The following TMEM132D variants were observed in gnomAD, a reference collection of about 807,000 sequenced individuals.
TMEM132D encodes the protein mature OL transmembrane protein.
A neutral mutation model predicts 62.3 loss-of-function variants in TMEM132D; 21 were observed. The observed-to-expected ratio is 0.34, with a 90% CI of 0.24 to 0.49. TMEM132D has a LOEUF of 0.49. Ranked by LOEUF, TMEM132D falls within the 20% of genes least tolerant of loss-of-function variation. The pLI is 0.99. For synonymous variants in TMEM132D, 621 were observed against 575.6 expected (o/e 1.08, Z -1.13); for missense variants, 1,346 against 1,402.8 (o/e 0.96, Z 0.65).
chr12:129,456,974 A>G (rs921204733), intron 3 of TMEM132D, among the ~76,000 whole-genome samples: 86 of 152,240 alleles, frequency 5.6e-4, no homozygotes, highest in African/African-American at 1.9e-3. Flanking sequence ...AAATAGGAAC[A>G]CTTTTACACT....
chr12:129,563,850 G>A (rs1174402843), intron 2 of TMEM132D, among the ~76,000 whole-genome samples: 1 of 152,078 alleles, frequency 6.6e-6, no homozygotes, highest in Non-Finnish European at 1.5e-5. Flanking sequence ...AATACATTAA[G>A]AGACCAATCA....
At chr12:129,288,069 T>G (rs1009470239) in intron 4 of TMEM132D, among the ~76,000 whole-genome samples, 1 of 152,212 alleles carries the variant, frequency 6.6e-6, no homozygotes, top group East Asian at 1.9e-4. Flanking sequence ...AACCTGGATA[T>G]CCACATGTAA....
chr12:129,878,787 T>G lies in TMEM132D; in HGVS notation c.79+24474A>C, dbSNP rs537043336. 7.2e-5 allele frequency among the ~76,000 whole-genome samples: 11 copies of G among 152,260 alleles called. No homozygotes were observed. In the East Asian group the frequency reaches 2.1e-3, roughly 30 times the overall value. ...TTTCACCATGTTGGCCAGGCTGGTC[T>G]TGAACTCCTGACCTCAAGTGATCCA... On this transcript the variant is annotated intron_variant, in intron 1 of 8. Coordinates refer to ENST00000422113, the MANE Select transcript of TMEM132D (RefSeq NM_133448.3).
At chr12:129,668,425 C>T (rs570014749) in intron 2 of TMEM132D, among the ~76,000 whole-genome samples, 55 of 151,360 alleles carry the variant, frequency 3.6e-4, no homozygotes, top group Non-Finnish European at 6.8e-4. Flanking sequence ...TTGCTTTGGT[C>T]CTTTTCAAAA....
chr12:129,848,800 C>T (rs1224231488), intron 1 of TMEM132D, among the ~76,000 whole-genome samples: 1 of 152,098 alleles, frequency 6.6e-6, no homozygotes, highest in African/African-American at 2.4e-5. Context: ...CGTTCAGGTC[C>T]CATCAGCACA....
intron 1 of TMEM132D, among the ~76,000 whole-genome samples, chr12:129,791,948 C>T (rs1871412927): frequency 6.6e-6 from 1 of 152,164 alleles, no homozygotes; most frequent in African/African-American, 2.4e-5. Flanking sequence ...TATGGAGCCT[C>T]CTCAGCTGAT....
At chr12:129,239,515 C>A (rs1181449136) in intron 4 of TMEM132D, among the ~76,000 whole-genome samples, 1 of 152,136 alleles carries the variant, frequency 6.6e-6, no homozygotes, top group Non-Finnish European at 1.5e-5. Flanking sequence ...ACCCTCAGTA[C>A]CTTTGAGTGG....
At chr12:129,227,720 G>A (rs1299829297) in intron 4 of TMEM132D, among the ~76,000 whole-genome samples, 2 of 151,768 alleles carry the variant, frequency 1.3e-5, no homozygotes, top group Non-Finnish European at 2.9e-5. Flanking sequence ...TTTACATTAG[G>A]TATATCTCCT....
intron 5 of TMEM132D, among the ~76,000 whole-genome samples, chr12:129,186,372 C>T (rs1311089516): frequency 6.6e-6 from 1 of 152,220 alleles, no homozygotes; most frequent in Non-Finnish European, 1.5e-5. Context: ...ACTGTCATCC[C>T]TCCCAGGCCC....
chr12:129,831,156 G>A (rs1024362390), intron 1 of TMEM132D, among the ~76,000 whole-genome samples: 1 of 152,148 alleles, frequency 6.6e-6, no homozygotes, highest in Non-Finnish European at 1.5e-5. Context: ...CTCCTCTGGA[G>A]CCAGGAACTG....
At chr12:129,515,889 C>A (rs942682975) in intron 3 of TMEM132D, among the ~76,000 whole-genome samples, 1 of 152,178 alleles carries the variant, frequency 6.6e-6, no homozygotes, top group Non-Finnish European at 1.5e-5. Context: ...ACATGTAAAA[C>A]CTTGGTTAAA....
intron 3 of TMEM132D, among the ~76,000 whole-genome samples, chr12:129,418,804 G>A (rs1469242163): frequency 2.0e-5 from 3 of 152,202 alleles, no homozygotes; most frequent in East Asian, 3.8e-4. Context: ...AGGCCATGCT[G>A]TATACGGGTG....
intron 2 of TMEM132D, among the ~76,000 whole-genome samples, chr12:129,593,628 A>G (rs575704926): frequency 2.0e-5 from 3 of 152,312 alleles, no homozygotes; most frequent in Non-Finnish European, 4.4e-5. Context: ...TTTGGGAAAG[A>G]CCGGTAATTG....
intron 1 of TMEM132D, among the ~76,000 whole-genome samples, chr12:129,757,643 A>T (rs1593149864): frequency 6.6e-6 from 1 of 152,218 alleles, no homozygotes; most frequent in South Asian, 2.1e-4. Flanking sequence ...AATCCTCATG[A>T]CTTCCTCCAG....
At chr12:129,633,594 G>C (rs1465695694) in intron 2 of TMEM132D, among the ~76,000 whole-genome samples, 1 of 152,078 alleles carries the variant, frequency 6.6e-6, no homozygotes, top group Non-Finnish European at 1.5e-5. Flanking sequence ...TCCTCCACTG[G>C]ATTCATTTTG....
chr12:129,443,369 A>G (rs1421614601), intron 3 of TMEM132D, among the ~76,000 whole-genome samples: 1 of 152,198 alleles, frequency 6.6e-6, no homozygotes, highest in Non-Finnish European at 1.5e-5. Flanking sequence ...TAGTATTTGA[A>G]CTGTTAAGTC....
chr12:129,721,245 C>G (rs1027141899), intron 1 of TMEM132D, among the ~76,000 whole-genome samples: 1 of 152,142 alleles, frequency 6.6e-6, no homozygotes, highest in African/African-American at 2.4e-5. Context: ...GAGGCTGGCC[C>G]GGTGTTCCCT....
chr12:129,189,800 G>A (rs1320722156), intron 5 of TMEM132D, among the ~76,000 whole-genome samples: 2 of 152,144 alleles, frequency 1.3e-5, no homozygotes, highest in Admixed American at 6.5e-5. Context: ...TGGCAAAGAC[G>A]TCAGTGTCCT....
chr12:129,430,632 C>T (rs1438123301), intron 3 of TMEM132D, among the ~76,000 whole-genome samples: 1 of 152,078 alleles, frequency 6.6e-6, no homozygotes, highest in African/African-American at 2.4e-5. Context: ...TATGTAACAT[C>T]CCTAAATCCC....
Sources: gnomAD v4.1 joint callset for allele counts (sites outside exome capture counted in the v4.1 genomes callset) on GRCh38, gnomAD v4.1.1 for gene constraint, MANE v1.5 for transcripts, NCBI Gene and HGNC (gene_info 2026-07-23, HGNC 2026-07-21) for gene names.